TBCK: variants seen among roughly 807,000 people sequenced by gnomAD.
The protein encoded by TBCK is TBC domain-containing protein kinase-like protein.
A neutral mutation model predicts 113.4 loss-of-function variants in TBCK; 99 were observed. The observed-to-expected ratio is 0.87, with a 90% CI of 0.74 to 1.03. The LOEUF is 1.03. Among genes scored for constraint, TBCK ranks in the 50% least tolerant of loss-of-function variants. The pLI is 0.00. For synonymous variants in TBCK, 369 were observed against 370.8 expected, an observed-to-expected ratio of 1.00 and a Z score of 0.05; for missense variants, 1,045 against 1,061.3, an observed-to-expected ratio of 0.98 and a Z score of 0.21.
At chr4:106,155,139 G>C (rs1426331439) in intron 23 of TBCK, among the ~76,000 whole-genome samples, 1 of 147,200 alleles carries the variant, frequency 6.8e-6, no homozygotes, top group South Asian at 2.2e-4. Flanking sequence ...ACTATTCTAG[G>C]GTAAAATTTT....
intron 5 of TBCK, among the ~76,000 whole-genome samples, chr4:106,257,890 C>T (rs957092763): frequency 3.9e-5 from 6 of 151,958 alleles, no homozygotes; most frequent in Non-Finnish European, 7.4e-5. Flanking sequence ...AATACAAATG[C>T]AATGGTATAC....
chr4:106,220,285 G>T (rs1757527182), intron 19 of TBCK, among the ~76,000 whole-genome samples: 1 of 152,130 alleles, frequency 6.6e-6, no homozygotes, highest in Admixed American at 6.5e-5. Context: ...TTCTTCAGGG[G>T]TTTCTGCTTT....
chr4:106,116,602 A>AT (rs1408148375), intron 23 of TBCK, among the ~76,000 whole-genome samples: 7 of 152,126 alleles, frequency 4.6e-5, no homozygotes, highest in African/African-American at 1.7e-4. Context: ...CAGGAAGTGA[A>AT]TGGTAAGCAA....
At chr4:106,137,069 T>C (rs1435591752) in intron 23 of TBCK, among the ~76,000 whole-genome samples, 1 of 140,196 alleles carries the variant, frequency 7.1e-6, no homozygotes, top group African/African-American at 2.5e-5. Context: ...TCTAGATATG[T>C]GAAACTGAGA....
At chr4:106,237,124 A>G (rs1759565713) in intron 12 of TBCK, among the ~76,000 whole-genome samples, 1 of 152,046 alleles carries the variant, frequency 6.6e-6, no homozygotes, top group South Asian at 2.1e-4. Context: ...AATGAATGGG[A>G]AAAAAATTTT....
intron 24 of TBCK, among the ~76,000 whole-genome samples, chr4:106,112,460 C>T (rs115304311): frequency 2.4e-4 from 36 of 152,268 alleles, no homozygotes; most frequent in African/African-American, 7.9e-4. Context: ...GGAAAAGTCA[C>T]TTTCTGGTGG....
intron 20 of TBCK, among the ~76,000 whole-genome samples, chr4:106,199,169 C>T (rs1579212478): frequency 6.6e-6 from 1 of 152,132 alleles, no homozygotes; most frequent in East Asian, 1.9e-4. Context: ...ACCACTGAAA[C>T]TGTTCTTACC....
At chr4:106,226,966 G>T (rs901182782) in intron 19 of TBCK, among the ~76,000 whole-genome samples, 1 of 152,024 alleles carries the variant, frequency 6.6e-6, no homozygotes, top group South Asian at 2.1e-4. Context: ...TGAAGTCAAT[G>T]ACCTTATTAA....
rs930879957 is a variant in TBCK at position 106,295,262 on chromosome 4, C to T, written c.194-96G>A. On this transcript the variant is annotated intron_variant, in intron 2 of 25. Transcript: ENST00000394708. The stretch of plus-strand genomic sequence containing the variant: ...CACTGATGATATTAATATATAACAC[C>T]CATAACAATATTTTAAAAGAGCCTT... The T allele has an allele frequency of 2.2e-5, 21 of 950,530 alleles. No homozygotes were observed. In the Admixed American group the frequency reaches 4.3e-4, roughly 19 times the overall value. The allele number at this position is 950,530 out of a possible 1,614,324, so 58.9% of individuals were successfully genotyped here.
chr4:106,231,624 G>T, intron 18 of TBCK, 105 bp downstream of exon 18: 1 of 933,490 alleles, frequency 1.1e-6, no homozygotes, highest in Non-Finnish European at 1.6e-6. Context: ...AAATCTACCA[G>T]GGAGAGAATA....
chr4:106,267,663 T>C (rs1043107627), intron 3 of TBCK, among the ~76,000 whole-genome samples: 2 of 151,910 alleles, frequency 1.3e-5, no homozygotes, highest in African/African-American at 4.8e-5. Flanking sequence ...ACCACCACCA[T>C]CACCAAAAAA....
intron 1 of TBCK, among the ~76,000 whole-genome samples, chr4:106,312,982 C>G (rs1333294785): frequency 1.3e-5 from 2 of 152,104 alleles, no homozygotes; most frequent in African/African-American, 4.8e-5. Flanking sequence ...GAAATATTCT[C>G]TATCTCGATT....
In TBCK at chr4:106,259,724, C is replaced by T. The variant is rs147982874; in HGVS notation, c.455+713G>A. Reference sequence around the variant, plus strand: ...GAAGGGTAGAGAGGAATTCTTTATACTATTTTTGTAACTATTTTATCTAAA... The same window carrying T: ...GAAGGGTAGAGAGGAATTCTTTATATTATTTTTGTAACTATTTTATCTAAA... On this transcript the variant is annotated intron_variant, in intron 5 of 25. Coordinates refer to ENST00000394708, the MANE Select transcript of TBCK (RefSeq NM_001163435.3). Among the ~76,000 whole-genome samples, 352 of 151,958 alleles carry T rather than the reference C, an allele frequency of 2.3e-3. 1 individual carries two copies. The highest frequency in any genetic ancestry group is 8.1e-3 in the African/African-American group (337 of 41,538).
At chr4:106,169,575 A>G (rs1435222398) in intron 23 of TBCK, among the ~76,000 whole-genome samples, 6 of 152,118 alleles carry the variant, frequency 3.9e-5, no homozygotes, top group Non-Finnish European at 5.9e-5. Context: ...CAGGTCATCT[A>G]GAACAGTGTT....
chr4:106,129,034 GT>G (rs956597172), intron 23 of TBCK, among the ~76,000 whole-genome samples: 2 of 152,176 alleles, frequency 1.3e-5, no homozygotes, highest in African/African-American at 4.8e-5. Context: ...CTTTTATTTT[GT>G]TCTTTATTAT....
intron 12 of TBCK, among the ~76,000 whole-genome samples, chr4:106,240,808 G>A (rs1259839751): frequency 5.3e-5 from 8 of 151,966 alleles, no homozygotes; most frequent in Admixed American, 2.0e-4. Context: ...AAATATGATG[G>A]ATTGATGAAT....
intron 23 of TBCK, among the ~76,000 whole-genome samples, chr4:106,117,543 G>GCA (rs1163896090): frequency 8.5e-5 from 13 of 152,110 alleles, no homozygotes; most frequent in Admixed American, 5.9e-4. Context: ...CTATGATATT[G>GCA]CATAAAAATG....
intron 25 of TBCK, among the ~76,000 whole-genome samples, chr4:106,065,054 A>C (rs1178336686): frequency 6.6e-6 from 1 of 152,052 alleles, no homozygotes; most frequent in Admixed American, 6.6e-5. Flanking sequence ...CATGGGTATC[A>C]AAACAAATTA....
intron 23 of TBCK, among the ~76,000 whole-genome samples, chr4:106,132,572 T>C (rs1746082233): frequency 6.6e-6 from 1 of 152,198 alleles, no homozygotes; most frequent in South Asian, 2.1e-4. Context: ...CACTGCCTAA[T>C]GGAGCTGTGA....
Sources: gnomAD v4.1 joint callset for allele counts (sites outside exome capture counted in the v4.1 genomes callset) on GRCh38, gnomAD v4.1.1 for gene constraint, MANE v1.5 for transcripts, NCBI Gene and HGNC (gene_info 2026-07-23, HGNC 2026-07-21) for gene names.